Variants in CFAP57 observed in about 807,000 individuals in gnomAD.
The protein encoded by CFAP57 is cilia and flagella associated protein 57.
Under a neutral mutation model 146.8 loss-of-function variants are expected in CFAP57, and 116 were observed. The ratio of observed to expected loss-of-function variants is 0.79; its 90% CI spans 0.68 to 0.92. The LOEUF (loss-of-function observed/expected upper bound fraction) is 0.92, where lower values mean the gene tolerates loss of function less well. Among genes scored for constraint, CFAP57 ranks in the 40% least tolerant of loss-of-function variants. CFAP57 has a pLI of 0.00. For missense variants in CFAP57, 1,377 were observed against 1,527.2 expected, an observed-to-expected ratio of 0.90 and a Z score of 1.64; for synonymous variants, 518 against 552.8, an observed-to-expected ratio of 0.94 and a Z score of 0.88.
At chr1:43,248,738 TTAAC>T (rs1646213013) in intron 22 of CFAP57, among the ~76,000 whole-genome samples, 1 of 152,168 alleles carries the variant, frequency 6.6e-6, no homozygotes, top group Non-Finnish European at 1.5e-5. Context: ...GAATTATATA[TTAAC>T]TATAATTATT....
intron 21 of CFAP57, 127 bp downstream of exon 21, chr1:43,234,765 C>A (rs1645622444): frequency 2.5e-6 from 3 of 1,212,018 alleles, no homozygotes; most frequent in East Asian, 2.7e-5. Flanking sequence ...AGTAGCTCCC[C>A]CTAAAGTCTT....
rs1390845735 is a variant in CFAP57, at chr1:43,254,276, A to AT, written c.*86dup. 2.4e-6 allele frequency: 3 copies of AT among 1,260,876 alleles called. No homozygotes were observed. In the Admixed American group the frequency reaches 6.9e-5, roughly 29 times the overall value. 78.1% of individuals were successfully genotyped at this position (1,260,876 alleles called of 1,614,324 possible). A position where few individuals can be genotyped will look rare whatever the true frequency, so the allele number is the denominator to read the frequency against. ...AGCCAGACTTGCGGTTGGAGTCTGT[A>AT]TGGTCCCTGCAGCACTGACCCCAGC... On this transcript the variant is annotated 3_prime_UTR_variant, in exon 23 of 23. Transcript: ENST00000372492.
chr1:43,219,445 C>G lies in CFAP57; in HGVS notation c.2155C>G (p.Leu719Val), dbSNP rs1185957100. 6.4e-7 allele frequency: 1 copy of G among 1,550,488 alleles called. No individual in the cohort carries two copies. The highest frequency in any genetic ancestry group is 8.7e-7 in the Non-Finnish European group (1 of 1,147,006). ...ATTAAAAATGGAGAATGAGTATCAA[C>G]TCCGACTAAAGGACATGAACTATTC... ...EELKMENEYQ[L>V]RLKDMNYSEK... The change falls in exon 13 of 23, where the codon CTC (leucine) becomes GTC (valine). Residue 719 changes from leucine (L) to valine (V), a missense_variant. Transcript: ENST00000372492.
At chr1:43,228,202 G>A (rs776803705) in intron 18 of CFAP57, among the ~76,000 whole-genome samples, 69 of 152,252 alleles carry the variant, frequency 4.5e-4, no homozygotes, top group Non-Finnish European at 8.7e-4. Flanking sequence ...TCCTCTCACA[G>A]CTCCCCCTCC....
At chr1:43,180,073 G>A (rs1333509220) in intron 2 of CFAP57, among the ~76,000 whole-genome samples, 2 of 151,782 alleles carry the variant, frequency 1.3e-5, no homozygotes, top group Non-Finnish European at 2.9e-5. Flanking sequence ...AGGCATGGTG[G>A]CACATGCCTG....
intron 2 of CFAP57, among the ~76,000 whole-genome samples, chr1:43,173,851 A>G (rs780414910): frequency 5.3e-5 from 8 of 152,256 alleles, no homozygotes; most frequent in African/African-American, 1.2e-4. Context: ...ACTGAGCAAT[A>G]TGATAGTACC....
intron 18 of CFAP57, among the ~76,000 whole-genome samples, chr1:43,227,485 A>C (rs1341476432): frequency 6.6e-6 from 1 of 152,196 alleles, no homozygotes; most frequent in Non-Finnish European, 1.5e-5. Flanking sequence ...CTTCTAGTTC[A>C]GCATTTTTTT....
chr1:43,236,973 G>A (rs1645730227), intron 21 of CFAP57, among the ~76,000 whole-genome samples: 1 of 151,912 alleles, frequency 6.6e-6, no homozygotes, highest in Admixed American at 6.6e-5. Flanking sequence ...CAAGAACCAA[G>A]GTAGAAATCC....
rs150804721 is a variant in CFAP57 at position 43,180,478 on chromosome 1, T to A, written c.158-1056T>A. Among the ~76,000 whole-genome samples, 334 of 151,734 alleles carry A rather than the reference T, an allele frequency of 2.2e-3. 1 individual carries two copies. The highest frequency in any genetic ancestry group is 7.5e-3 in the African/African-American group (308 of 41,312). On this transcript the variant is annotated intron_variant, in intron 2 of 22. Transcript: ENST00000372492. ...ACAGGCCCAGGGCAGGGAGCGTGAGTGAGGCAAGGGAGGATGAGCTAGAGA... is the reference window on the plus strand; with the variant it reads ...ACAGGCCCAGGGCAGGGAGCGTGAGAGAGGCAAGGGAGGATGAGCTAGAGA...
At chr1:43,206,978 A>AG in intron 10 of CFAP57, 46 bp downstream of exon 10, 1 of 1,589,822 alleles carries the variant, frequency 6.3e-7, no homozygotes, top group Non-Finnish European at 8.6e-7. Context: ...ACGGATCTGC[A>AG]GGGACAGCTT....
chr1:43,253,173 T>C (rs2124700594), intron 22 of CFAP57, among the ~76,000 whole-genome samples: 1 of 152,248 alleles, frequency 6.6e-6, no homozygotes, highest in East Asian at 1.9e-4. Context: ...AGAAACTCAC[T>C]GGGGTCTAGC....
Position 43,219,548 on chromosome 1 carries a change from G to C in CFAP57, c.2247+11G>C, listed in dbSNP as rs1380402978. The C allele has an allele frequency of 6.5e-7, 1 of 1,550,304 alleles. No homozygotes were observed. Among genetic ancestry groups the C allele is most frequent in the East Asian group, 2.4e-5 (1 of 40,922 alleles). On this transcript the variant is annotated intron_variant, in intron 13 of 22. Coordinates refer to ENST00000372492, the MANE Select transcript of CFAP57 (RefSeq NM_001378189.1). ...AAAACAAAAAACCAGGTCTGTTTAA[G>C]AGACTGACCAACAAGCACAAATAAC...
chr1:43,201,483 C>T lies in CFAP57; in HGVS notation c.1542+1980C>T, dbSNP rs1644119860. Among the ~76,000 whole-genome samples the T allele has an allele frequency of 6.6e-6, 1 of 152,162 alleles. No homozygotes were observed. The highest frequency in any genetic ancestry group is 2.1e-4 in the South Asian group (1 of 4,832). On this transcript the variant is annotated intron_variant, in intron 9 of 22. Transcript: ENST00000372492. This position sits in a 1 kb window ranked among gnomAD's most constrained non-coding sequence, Gnocchi z 4.4. The stretch of plus-strand genomic sequence containing the variant: ...GGAAAGTGAAAGTGCTATGTAAACA[C>T]AAGCATTTTTGTTTGTTTTTGAGAC...
chr1:43,235,979 G>A (rs116037371), intron 21 of CFAP57, among the ~76,000 whole-genome samples: 2,119 of 152,284 alleles, frequency 0.014, 46 homozygotes, highest in African/African-American at 0.049. Flanking sequence ...GGGTGTGAGC[G>A]TCAGCATGAG....
chr1:43,186,999 T>A, intron 6 of CFAP57, 140 bp downstream of exon 6: 1 of 995,056 alleles, frequency 1.0e-6, no homozygotes, highest in Non-Finnish European at 1.5e-6. Context: ...AACAAAATTC[T>A]AATTTTAAGA....
At chr1:43,232,715 C>T in intron 19 of CFAP57, 91 bp downstream of exon 19, 1 of 832,442 alleles carries the variant, frequency 1.2e-6, no homozygotes, top group South Asian at 2.1e-5. Context: ...CAGAGCCAGC[C>T]CACTGCGAGG....
At chr1:43,186,890 C>G (rs1643164237) in intron 6 of CFAP57, 31 bp downstream of exon 6, 1 of 1,613,520 alleles carries the variant, frequency 6.2e-7, no homozygotes, top group Admixed American at 1.7e-5. Flanking sequence ...TCCTTCCAGA[C>G]CAGGACCTAT....
intron 12 of CFAP57, among the ~76,000 whole-genome samples, chr1:43,219,145 G>A (rs1262490104): frequency 6.6e-6 from 1 of 152,214 alleles, no homozygotes; most frequent in Non-Finnish European, 1.5e-5. Flanking sequence ...ACTTGAATGA[G>A]ATGAGCGCAT....
In CFAP57 at chr1:43,181,759, C is replaced by T. The variant is rs1645416829; in HGVS notation, c.383C>T (p.Pro128Leu). The stretch of plus-strand genomic sequence containing the variant: ...AAATACCTATTGGCTCAGACGTCAC[C>T]TCCAGAGTCAAATCTTGTCTACTGG... ...DSKYLLAQTSPPESNLVYWLW... is the reference protein window; with the variant it reads ...DSKYLLAQTSLPESNLVYWLW... Residue 128 changes from proline (P) to leucine (L), a missense_variant, in exon 3 of 23, where the codon CCT becomes CTT. Physicochemically the swap from Pro to Leu is moderately conservative, Grantham distance 98. Transcript: ENST00000372492. 1 of 1,614,198 alleles carries T rather than the reference C, an allele frequency of 6.2e-7. No individual in the cohort carries two copies. The highest frequency in any genetic ancestry group is 8.5e-7 in the Non-Finnish European group (1 of 1,180,030).
Sources: allele counts gnomAD v4.1 joint callset (sites outside exome capture counted in the v4.1 genomes callset), GRCh38; gene constraint gnomAD v4.1.1; non-coding constraint Gnocchi (gnomAD v3.1); transcripts MANE v1.5; gene names NCBI Gene and HGNC (gene_info 2026-07-23, HGNC 2026-07-21).